Variants in PRKRIP1 observed in about 807,000 individuals in gnomAD.
PRKRIP1 encodes PRKR-interacting protein 1.
Under a neutral mutation model 29.3 loss-of-function variants are expected in PRKRIP1, and 29 were observed. The observed-to-expected ratio is 0.99, with a 90% CI of 0.74 to 1.35. The LOEUF (loss-of-function observed/expected upper bound fraction) is 1.35. Among genes scored for constraint, PRKRIP1 ranks in the 40% most tolerant of loss-of-function variants. PRKRIP1 has a pLI of 0.00. For synonymous variants in PRKRIP1, 90 were observed against 85.1 expected (o/e 1.06, Z -0.32); for missense variants, 247 against 236.8 (o/e 1.04, Z -0.28).
At chr7:102,417,812 G>A (rs1796594961) in intron 5 of PRKRIP1, among the ~76,000 whole-genome samples, 1 of 151,640 alleles carries the variant, frequency 6.6e-6, no homozygotes, top group Non-Finnish European at 1.5e-5. Context: ...TAGAGACAAG[G>A]GTCTCGCTAT....
intron 5 of PRKRIP1, among the ~76,000 whole-genome samples, chr7:102,414,400 A>G (rs555290311): frequency 1.4e-4 from 21 of 152,280 alleles, no homozygotes; most frequent in African/African-American, 4.8e-4. Flanking sequence ...TTTATTTAAC[A>G]TTATACACGT....
chr7:102,414,790 CAGG>C (rs1387966588), intron 5 of PRKRIP1, among the ~76,000 whole-genome samples: 13 of 151,986 alleles, frequency 8.6e-5, no homozygotes, highest in Admixed American at 8.5e-4. Context: ...GAGGCTGAGG[CAGG>C]AGGATCACCT....
chr7:102,405,823 A>G (rs1554571748), intron 4 of PRKRIP1: 1 of 280,436 alleles, frequency 3.6e-6, no homozygotes, highest in East Asian at 9.5e-5. Context: ...ATTGATCAGA[A>G]TAGGAACCAT....
At chr7:102,422,188 T>TC (rs1796713591) in intron 5 of PRKRIP1, among the ~76,000 whole-genome samples, 3 of 147,392 alleles carry the variant, frequency 2.0e-5, no homozygotes, top group African/African-American at 7.4e-5. Flanking sequence ...TGATTATTAT[T>TC]ATCAGAGACG....
At position 102,425,561 on chromosome 7, in the gene PRKRIP1, G is replaced by T. The variant is rs1210578339; in HGVS notation, c.*450G>T. 5.4e-5 allele frequency: 15 copies of T among 279,638 alleles called. 1 individual carries two copies. Among genetic ancestry groups the T allele is most frequent in the Non-Finnish European group, 1.0e-4 (15 of 143,746 alleles). The allele number at this position is 279,638 out of a possible 1,614,324, so 17.3% of individuals were successfully genotyped here. A position where few individuals can be genotyped will look rare whatever the true frequency, so the allele number is the denominator to read the frequency against. ...TTACGTGGACCTGGTCCCAGGCTCA[G>T]TGAGGAGATGGCCTCAGCTGTGGGG... is the stretch of plus-strand genomic sequence containing the variant. On this transcript the variant is annotated 3_prime_UTR_variant, in exon 6 of 6. Transcript: ENST00000397912.
intron 3 of PRKRIP1, among the ~76,000 whole-genome samples, chr7:102,400,754 G>A (rs1412398069): frequency 6.6e-6 from 1 of 152,138 alleles, no homozygotes; most frequent in African/African-American, 2.4e-5. Flanking sequence ...TCCTGCCTCA[G>A]CTTCCTGAGT....
At chr7:102,404,559 A>G in intron 3 of PRKRIP1, 39 bp from the exon 4 acceptor site, 4 of 1,564,746 alleles carry the variant, frequency 2.6e-6, no homozygotes, top group Non-Finnish European at 3.5e-6. Flanking sequence ...CAGTCTGCCC[A>G]GACCAGAGCG....
chr7:102,404,713 C>CT (rs1554571636), intron 4 of PRKRIP1, 30 bp downstream of exon 4: 1 of 1,583,214 alleles, frequency 6.3e-7, no homozygotes, highest in Non-Finnish European at 8.7e-7. Flanking sequence ...TGTGATGACA[C>CT]TTAAGGGCCA....
At chr7:102,403,848 A>G (rs2133171520) in intron 3 of PRKRIP1, among the ~76,000 whole-genome samples, 1 of 152,340 alleles carries the variant, frequency 6.6e-6, no homozygotes, top group African/African-American at 2.4e-5. Flanking sequence ...TCATGGCAGC[A>G]GATGGCGTGT....
intron 3 of PRKRIP1, 55 bp from the exon 4 acceptor site, chr7:102,404,543 C>T: frequency 6.8e-7 from 1 of 1,481,178 alleles, no homozygotes; most frequent in South Asian, 1.2e-5. Flanking sequence ...TGAGCAAAAC[C>T]TCCCACAGTC....
At chr7:102,397,965 T>G (rs1795959626) in intron 2 of PRKRIP1, among the ~76,000 whole-genome samples, 1 of 151,836 alleles carries the variant, frequency 6.6e-6, no homozygotes, top group South Asian at 2.1e-4. Flanking sequence ...GAGAATGGCG[T>G]GAACCCAGGA....
At chr7:102,404,408 G>A in intron 3 of PRKRIP1, 190 bp from the exon 4 acceptor site, 1 of 579,240 alleles carries the variant, frequency 1.7e-6, no homozygotes, top group Non-Finnish European at 3.1e-6. Context: ...CGCCATCGGA[G>A]ACCTATGTAT....
chr7:102,402,319 TC>T (rs1796094912), intron 3 of PRKRIP1, among the ~76,000 whole-genome samples: 1 of 151,868 alleles, frequency 6.6e-6, no homozygotes, highest in Non-Finnish European at 1.5e-5. Flanking sequence ...CCACCTGTAG[TC>T]CCAGCTGCTT....
intron 3 of PRKRIP1, among the ~76,000 whole-genome samples, chr7:102,402,829 A>G (rs1319466815): frequency 1.3e-5 from 2 of 151,168 alleles, no homozygotes; most frequent in African/African-American, 4.9e-5. Flanking sequence ...TGTTTAGTTC[A>G]CTTGCTGGTA....
chr7:102,402,311 A>G (rs781826683), intron 3 of PRKRIP1, among the ~76,000 whole-genome samples: 6 of 151,800 alleles, frequency 4.0e-5, no homozygotes, highest in Non-Finnish European at 7.4e-5. Context: ...GGTGGTAGCC[A>G]CCTGTAGTCC....
chr7:102,399,292 T>G (rs545806890), intron 2 of PRKRIP1, among the ~76,000 whole-genome samples: 7 of 152,318 alleles, frequency 4.6e-5, no homozygotes, highest in Admixed American at 1.3e-4. Flanking sequence ...GAAAGTCACT[T>G]AACCACAGTC....
intron 2 of PRKRIP1, among the ~76,000 whole-genome samples, chr7:102,398,766 T>C (rs1554570810): frequency 6.6e-6 from 1 of 152,178 alleles, no homozygotes; most frequent in Admixed American, 6.5e-5. Context: ...AATTCTTTAG[T>C]TTCCCACTGC....
intron 4 of PRKRIP1, among the ~76,000 whole-genome samples, chr7:102,406,532 A>G (rs1165414782): frequency 6.6e-6 from 1 of 152,178 alleles, no homozygotes; most frequent in African/African-American, 2.4e-5. Flanking sequence ...CAAATGCTGA[A>G]TGACTGTAGA....
At chr7:102,407,410 A>C in intron 4 of PRKRIP1, 24 bp from the exon 5 acceptor site, 1 of 1,472,516 alleles carries the variant, frequency 6.8e-7, no homozygotes. Flanking sequence ...TAAGGAATCA[A>C]TGTATATGGT....
Sources: allele counts gnomAD v4.1 joint callset (sites outside exome capture counted in the v4.1 genomes callset), GRCh38; gene constraint gnomAD v4.1.1; transcripts MANE v1.5; gene names NCBI Gene and HGNC (gene_info 2026-07-23, HGNC 2026-07-21).